HAUS2: variants seen among roughly 807,000 people sequenced by gnomAD.
HAUS2 encodes the protein HAUS augmin like complex subunit 2.
Under a neutral mutation model 21.6 loss-of-function variants are expected in HAUS2, and 20 were observed. That is an observed-to-expected ratio of 0.93 (90% CI 0.65 to 1.35). The LOEUF is 1.35. Among genes scored for constraint, HAUS2 ranks in the 40% most tolerant of loss-of-function variants. The probability of loss-of-function intolerance (pLI) is 0.00; values close to 1 mark genes in which losing one functional copy is unlikely to be tolerated. For missense variants in HAUS2, 297 were observed against 280.7 expected (o/e 1.06, Z -0.42); for synonymous variants, 113 against 95.6 (o/e 1.18, Z -1.06).
chr15:42,548,995 G>GAC, intron 1 of HAUS2, 30 bp downstream of exon 1: 1 of 1,403,118 alleles, frequency 7.1e-7, no homozygotes, highest in Non-Finnish European at 9.9e-7. Context: ...GTGTCATCAA[G>GAC]GGGGTGCCCA....
intron 1 of HAUS2, among the ~76,000 whole-genome samples, chr15:42,554,841 C>T (rs1319910590): frequency 4.6e-5 from 7 of 150,626 alleles, no homozygotes; most frequent in Admixed American, 3.3e-4. Flanking sequence ...TCCCCGCCGC[C>T]GCTGAGACAG....
Position 42,558,314 on chromosome 15 carries a change from CTTTTTTTTTTTTTTT to C in HAUS2, c.186+34_186+48del, listed in dbSNP as rs547363768. ...AGGTAAATCATTTTGTTTTCACTTT[CTTTTTTTTTTTTTTT>C]TTTTTTTTTGAGACGGAGTCTTGCT... On this transcript the variant is annotated intron_variant, in intron 2 of 5. Transcript: ENST00000260372. The C allele has an allele frequency of 1.6e-4, 62 of 375,854 alleles. 2 individuals are homozygous for C. The highest frequency in any genetic ancestry group is 1.6e-3 in the African/African-American group (50 of 31,180). The allele number at this position is 375,854 out of a possible 1,614,324, so 23.3% of individuals were successfully genotyped here.
At position 42,569,235 on chromosome 15, in the gene HAUS2, G is replaced by A. The variant is rs2057936073; in HGVS notation, c.*2419G>A. 1 of 151,412 alleles carries A rather than the reference G, an allele frequency of 6.6e-6. No individual in the cohort carries two copies. The highest frequency in any genetic ancestry group is 2.4e-5 in the African/African-American group (1 of 41,268). 9.4% of individuals were successfully genotyped at this position (151,412 alleles called of 1,614,324 possible). On this transcript the variant is annotated 3_prime_UTR_variant, in exon 6 of 6. Transcript: ENST00000260372. The stretch of plus-strand genomic sequence containing the variant: ...TTGGCTTATTTTACTTTTAGACTTG[G>A]GGTTCTATTTTGCTTTAAAACATGT...
chr15:42,557,464 T>C (rs867119461), intron 1 of HAUS2, among the ~76,000 whole-genome samples: 2 of 96,422 alleles, frequency 2.1e-5, no homozygotes, highest in South Asian at 3.2e-4. Flanking sequence ...ATATACATTG[T>C]ATATAATGTA....
Position 42,566,824 on chromosome 15 carries a change from CTT to C in HAUS2, c.*10_*11del, listed in dbSNP as rs1566836986. On this transcript the variant is annotated 3_prime_UTR_variant, in exon 6 of 6. Transcript: ENST00000260372. ...ACTATTAATGCCAAGTAGTCATCAA[CTT>C]TATTTTTGCTTAATTATGTGTAGTC... is the stretch of plus-strand genomic sequence containing the variant. The C allele has an allele frequency of 2.2e-6, 3 of 1,381,482 alleles. No homozygotes were observed. Among genetic ancestry groups the C allele is most frequent in the Non-Finnish European group, 3.1e-6 (3 of 969,828 alleles). The allele number at this position is 1,381,482 out of a possible 1,614,324, so 85.6% of individuals were successfully genotyped here. A position where few individuals can be genotyped will look rare whatever the true frequency, so the allele number is the denominator to read the frequency against.
At chr15:42,560,761 G>T in intron 3 of HAUS2, 4 of 698,792 alleles carry the variant, frequency 5.7e-6, no homozygotes, top group East Asian at 2.7e-5. Context: ...GCTAATTTTT[G>T]TTTTTTCAAT....
In HAUS2 at chr15:42,563,777, G is replaced by C; in HGVS notation, c.418G>C (p.Val140Leu). 2 of 1,572,814 alleles carry C rather than the reference G, an allele frequency of 1.3e-6. No homozygotes were observed. The highest frequency in any genetic ancestry group is 3.3e-4 in the Middle Eastern group (2 of 5,982). The change falls in exon 5 of 6, where the codon GTG (valine) becomes CTG (leucine). Residue 140 changes from valine to leucine, a missense_variant. Physicochemically the swap from Val to Leu is conservative, Grantham distance 32. Transcript: ENST00000260372. ...TATGGTACATTTGCTGGAGTTGGCT[G>C]TGACTTTCATTGAGAGATTAGAAAC... is the stretch of plus-strand genomic sequence containing the variant. ...RYMVHLLELA[V>L]TFIERLETHL...
At position 42,551,106 on chromosome 15, in the gene HAUS2, G is replaced by C. The variant is rs999960580; in HGVS notation, c.93+2141G>C. The stretch of plus-strand genomic sequence containing the variant: ...TGCCACCTGGGTTCAATCAATTCTC[G>C]TGCTCCCGAGTAGCTGGGACTACAG... On this transcript the variant is annotated intron_variant, in intron 1 of 5. Transcript: ENST00000260372. 4.1e-5 allele frequency among the ~76,000 whole-genome samples: 6 copies of C among 147,586 alleles called. No homozygotes were observed. The South Asian group carries it at 6.4e-4, about 16-fold the overall frequency.
intron 1 of HAUS2, among the ~76,000 whole-genome samples, chr15:42,556,838 G>A (rs1236251327): frequency 8.5e-5 from 11 of 128,692 alleles, no homozygotes; most frequent in African/African-American, 3.6e-4. Context: ...AACCCCAACT[G>A]TACTAAAAAT....
Position 42,564,077 on chromosome 15 carries a change from C to T in HAUS2, c.498+220C>T, listed in dbSNP as rs1595556193. Among the ~76,000 whole-genome samples the T allele has an allele frequency of 1.3e-5, 2 of 151,914 alleles. 1 individual carries two copies. Among genetic ancestry groups the T allele is most frequent in the South Asian group, 4.2e-4 (2 of 4,816 alleles). On this transcript the variant is annotated intron_variant, in intron 5 of 5. Transcript: ENST00000260372. ...GGTCAGGAGTTGGAGACCAGCCTGG[C>T]CAACATGGTGAAACTCCATCTCTAC...
chr15:42,561,016 A>G, intron 3 of HAUS2: 1 of 583,284 alleles, frequency 1.7e-6, no homozygotes, highest in Non-Finnish European at 3.0e-6. Context: ...AGAAACACAG[A>G]GAAAGAATTT....
chr15:42,560,855 A>G, intron 3 of HAUS2: 2 of 702,064 alleles, frequency 2.8e-6, no homozygotes, highest in Non-Finnish European at 5.2e-6. Flanking sequence ...AGTCTCCCAA[A>G]ACACTGCGAT....
At chr15:42,558,570 G>A (rs879329916) in intron 2 of HAUS2, among the ~76,000 whole-genome samples, 6 of 151,876 alleles carry the variant, frequency 4.0e-5, no homozygotes, top group Admixed American at 6.6e-5. Context: ...CCCATGATCT[G>A]CCCGCCTCGG....
In HAUS2 at chr15:42,568,503, CTT is replaced by C. The variant is rs764536682; in HGVS notation, c.*1690_*1691del. The C allele has an allele frequency of 2.0e-5, 3 of 152,224 alleles. No homozygotes were observed. Among genetic ancestry groups the C allele is most frequent in the Non-Finnish European group, 4.4e-5 (3 of 68,046 alleles). The allele number at this position is 152,224 out of a possible 1,614,324, so 9.4% of individuals were successfully genotyped here. On this transcript the variant is annotated 3_prime_UTR_variant, in exon 6 of 6. Coordinates refer to ENST00000260372, the MANE Select transcript of HAUS2 (RefSeq NM_018097.3). ...ATTACTTTTTAAAGGTCTCATAACA[CTT>C]TTACAATGTCAATTAAATTTCCAAC...
intron 1 of HAUS2, among the ~76,000 whole-genome samples, chr15:42,555,092 C>G (rs1310185296): frequency 2.6e-5 from 4 of 151,378 alleles, no homozygotes; most frequent in African/African-American, 9.7e-5. Flanking sequence ...TGGGTTCAAG[C>G]GATTCTCCTG....
At chr15:42,556,073 AACTAGCTG>A (rs1431133930) in intron 1 of HAUS2, among the ~76,000 whole-genome samples, 3 of 151,152 alleles carry the variant, frequency 2.0e-5, no homozygotes, top group Non-Finnish European at 4.4e-5. Context: ...CAGCCTCCCA[AACTAGCTG>A]ACTAGCTGGG....
chr15:42,552,386 C>T (rs2057734609), intron 1 of HAUS2, among the ~76,000 whole-genome samples: 1 of 152,160 alleles, frequency 6.6e-6, no homozygotes, highest in Non-Finnish European at 1.5e-5. Flanking sequence ...GTCACGTCAT[C>T]CCTTCAAACA....
chr15:42,569,566 G>A lies in HAUS2; in HGVS notation c.*2750G>A, dbSNP rs996365112. ...AAACGACCCTCCCGCCTCAGCCTCC[G>A]AAAGTGCTGGGAGTACAGGTGTTAG... On this transcript the variant is annotated 3_prime_UTR_variant, in exon 6 of 6. Transcript: ENST00000260372. 1 of 152,044 alleles carries A rather than the reference G, an allele frequency of 6.6e-6. No homozygotes were observed. Among genetic ancestry groups the A allele is most frequent in the East Asian group, 1.9e-4 (1 of 5,186 alleles). 9.4% of individuals were successfully genotyped at this position (152,044 alleles called of 1,614,324 possible). A position where few individuals can be genotyped will look rare whatever the true frequency, so the allele number is the denominator to read the frequency against.
intron 2 of HAUS2, 21 bp downstream of exon 2, chr15:42,558,311 T>C (rs1445441510): frequency 1.2e-6 from 1 of 801,726 alleles, no homozygotes; most frequent in Non-Finnish European, 2.0e-6. Context: ...TTGTTTTCAC[T>C]TTCTTTTTTT....
Sources: gnomAD v4.1 joint callset for allele counts (sites outside exome capture counted in the v4.1 genomes callset) on GRCh38, gnomAD v4.1.1 for gene constraint, MANE v1.5 for transcripts, NCBI Gene and HGNC (gene_info 2026-07-23, HGNC 2026-07-21) for gene names.